RIOK3: variants seen among roughly 807,000 people sequenced by gnomAD.
RIOK3 encodes serine/threonine-protein kinase RIO3.
A neutral mutation model predicts 63.5 loss-of-function variants in RIOK3; 40 were observed. The observed-to-expected ratio is 0.63, with a 90% CI of 0.49 to 0.82. RIOK3 has a LOEUF of 0.82. Among genes scored for constraint, RIOK3 ranks in the 40% least tolerant of loss-of-function variants. RIOK3 has a pLI of 0.00. For synonymous variants in RIOK3, 193 were observed against 205.0 expected (o/e 0.94, Z 0.50); for missense variants, 557 against 637.0 (o/e 0.87, Z 1.35).
chr18:23,453,307 C>T lies in RIOK3; in HGVS notation c.-133C>T, dbSNP rs537990049. ...GATCCAGTTCCGGACGCGGCCGCCG[C>T]CGTCGCCGCCATCTGTCACCTCCAC... On this transcript the variant is annotated 5_prime_UTR_variant, in exon 1 of 13. Coordinates refer to ENST00000339486, the MANE Select transcript of RIOK3 (RefSeq NM_003831.5). 3 of 747,112 alleles carry T rather than the reference C, an allele frequency of 4.0e-6. No homozygotes were observed. The highest frequency in any genetic ancestry group is 2.3e-6 in the Non-Finnish European group (1 of 426,740). The allele number at this position is 747,112 out of a possible 1,614,324, so 46.3% of individuals were successfully genotyped here. A position where few individuals can be genotyped will look rare whatever the true frequency, so the allele number is the denominator to read the frequency against.
chr18:23,466,174 T>C lies in RIOK3; in HGVS notation c.585T>C (p.Asp195=). 1 of 1,609,766 alleles carries C rather than the reference T, an allele frequency of 6.2e-7. No homozygotes were observed. The highest frequency in any genetic ancestry group is 1.7e-4 in the Middle Eastern group (1 of 6,056). The change falls in exon 6 of 13, where the codon GAT becomes GAC. Residue 195 remains aspartate, a synonymous_variant. Transcript: ENST00000339486. ...EFQVGDGIGM[D]LKLSNHVFNA... is the part of the protein sequence containing the mutation. Reference sequence around the variant, plus strand: ...AGGTAGGAGATGGAATTGGAATGGATTTAAAACTATCAAACCATGTTTTCA... The same window carrying C: ...AGGTAGGAGATGGAATTGGAATGGACTTAAAACTATCAAACCATGTTTTCA...
At chr18:23,479,730 C>A (rs2057518851) in intron 12 of RIOK3, among the ~76,000 whole-genome samples, 1 of 152,012 alleles carries the variant, frequency 6.6e-6, no homozygotes, top group South Asian at 2.1e-4. Context: ...GTGTGTGCCA[C>A]CATGCTTGGC....
intron 1 of RIOK3, chr18:23,456,314 T>A (rs916043519): frequency 1.1e-4 from 16 of 152,214 alleles, no homozygotes; most frequent in Non-Finnish European, 2.1e-4. Context: ...CAATTGATAT[T>A]TATCAATCTG....
chr18:23,458,063 G>T (rs370742296), intron 1 of RIOK3, among the ~76,000 whole-genome samples: 113 of 137,746 alleles, frequency 8.2e-4, no homozygotes, highest in Non-Finnish European at 1.2e-3. Flanking sequence ...CTGGCTAGTT[G>T]TTTTTTTTTT....
At chr18:23,455,018 C>CTTCCT (rs911596299) in intron 1 of RIOK3, among the ~76,000 whole-genome samples, 26 of 150,954 alleles carry the variant, frequency 1.7e-4, no homozygotes, top group African/African-American at 4.6e-4. Context: ...CCTTCCTTTC[C>CTTCCT]TTCCTTTCCT....
intron 1 of RIOK3, 69 bp downstream of exon 1, chr18:23,453,571 A>G: frequency 7.3e-7 from 1 of 1,368,194 alleles, no homozygotes; most frequent in Non-Finnish European, 1.0e-6. Context: ...AAGCTCGGAG[A>G]GGGCGGCTTC....
chr18:23,457,931 A>G (rs1209414323), intron 1 of RIOK3, among the ~76,000 whole-genome samples: 1 of 150,734 alleles, frequency 6.6e-6, no homozygotes. Flanking sequence ...GTCTCACTCT[A>G]TCGCCCAGGC....
intron 7 of RIOK3, among the ~76,000 whole-genome samples, chr18:23,470,924 C>T (rs1003270410): frequency 4.6e-5 from 7 of 152,144 alleles, no homozygotes; most frequent in African/African-American, 1.4e-4. Flanking sequence ...ATGAAAGGAG[C>T]TTATCTCAAA....
At chr18:23,468,333 G>C (rs1269069388) in intron 7 of RIOK3, among the ~76,000 whole-genome samples, 3 of 56,282 alleles carry the variant, frequency 5.3e-5, no homozygotes, top group Non-Finnish European at 9.9e-5. Flanking sequence ...ATGGAGTTTT[G>C]CTCTTGTTGC....
At chr18:23,458,970 A>T (rs982891162) in intron 1 of RIOK3, among the ~76,000 whole-genome samples, 1 of 152,184 alleles carries the variant, frequency 6.6e-6, no homozygotes, top group Non-Finnish European at 1.5e-5. Flanking sequence ...AAGTTGCCTC[A>T]GTGTGAAGTG....
intron 1 of RIOK3, among the ~76,000 whole-genome samples, chr18:23,461,910 C>T (rs2057373934): frequency 6.6e-6 from 1 of 151,382 alleles, no homozygotes; most frequent in Admixed American, 6.6e-5. Context: ...GACAACTTGG[C>T]AAAACCCTAT....
At chr18:23,476,080 C>G (rs1292745095) in intron 9 of RIOK3, among the ~76,000 whole-genome samples, 1 of 151,764 alleles carries the variant, frequency 6.6e-6, no homozygotes, top group Non-Finnish European at 1.5e-5. Flanking sequence ...AGCCACCACA[C>G]CCAGCCATTG....
chr18:23,469,829 A>C (rs1425326480), intron 7 of RIOK3, among the ~76,000 whole-genome samples: 1 of 152,132 alleles, frequency 6.6e-6, no homozygotes, highest in Non-Finnish European at 1.5e-5. Context: ...CAGGCAATCA[A>C]CAATTATTCA....
chr18:23,474,896 A>C, intron 8 of RIOK3, 52 bp from the exon 9 acceptor site: 1 of 1,363,348 alleles, frequency 7.3e-7, no homozygotes, highest in Middle Eastern at 2.1e-4. Flanking sequence ...AATAAATGAC[A>C]TATTTTCTCT....
rs2057541960 is a variant in RIOK3 at position 23,482,497 on chromosome 18, G to GAAAA, written c.*1221_*1222insAAAA. ...TGCACTCCGGCCTAGGTGACAGAGG[G>GAAAA]AAACTCCATCTCCAGGAAAAAAAAA... On this transcript the variant is annotated 3_prime_UTR_variant, in exon 13 of 13. Transcript: ENST00000339486. 1 of 142,202 alleles carries GAAAA rather than the reference G, an allele frequency of 7.0e-6. No individual in the cohort carries two copies. The highest frequency in any genetic ancestry group is 1.5e-5 in the Non-Finnish European group (1 of 66,306). 8.8% of individuals were successfully genotyped at this position (142,202 alleles called of 1,614,324 possible). A position where few individuals can be genotyped will look rare whatever the true frequency, so the allele number is the denominator to read the frequency against.
rs1598815124 is a variant in RIOK3 at position 23,476,146 on chromosome 18, G to C, written c.1174-860G>C. ...AAGCAGGTCTGGTCTCATCATAAGA[G>C]AGTGATGATGAAAATTGAAAACAGT... On this transcript the variant is annotated intron_variant, in intron 9 of 12. Coordinates refer to ENST00000339486, the MANE Select transcript of RIOK3 (RefSeq NM_003831.5). Among the ~76,000 whole-genome samples, 7 of 152,176 alleles carry C rather than the reference G, an allele frequency of 4.6e-5. 1 individual carries two copies. In the South Asian group the frequency reaches 1.5e-3, roughly 32 times the overall value.
chr18:23,459,610 A>C (rs1462038383), intron 1 of RIOK3, among the ~76,000 whole-genome samples: 1 of 152,226 alleles, frequency 6.6e-6, no homozygotes, highest in Non-Finnish European at 1.5e-5. Flanking sequence ...TAAATAAAGA[A>C]GGAAGAAAAA....
At chr18:23,469,425 TCTCTCC>T (rs2057440272) in intron 7 of RIOK3, among the ~76,000 whole-genome samples, 1 of 127,288 alleles carries the variant, frequency 7.9e-6, no homozygotes, top group Non-Finnish European at 1.7e-5. Flanking sequence ...TCTCTCTCTC[TCTCTCC>T]CTCTCCTCTC....
intron 7 of RIOK3, among the ~76,000 whole-genome samples, chr18:23,472,007 T>C (rs1347745330): frequency 1.3e-5 from 2 of 151,766 alleles, no homozygotes; most frequent in African/African-American, 4.8e-5. Context: ...CCAAGATGGG[T>C]GGATCACCTG....
Sources: allele counts gnomAD v4.1 joint callset (sites outside exome capture counted in the v4.1 genomes callset), GRCh38; gene constraint gnomAD v4.1.1; transcripts MANE v1.5; gene names NCBI Gene and HGNC (gene_info 2026-07-23, HGNC 2026-07-21).